GALNT13: variants seen among roughly 807,000 people sequenced by gnomAD.
GALNT13 encodes the protein polypeptide N-acetylgalactosaminyltransferase 13, also known as UDP-GalNAc:polypeptide N-acetylgalactosaminyltransferase 13.
A neutral mutation model predicts 64.2 loss-of-function variants in GALNT13; 28 were observed. The ratio of observed to expected loss-of-function variants is 0.44; its 90% CI spans 0.32 to 0.60. The LOEUF (loss-of-function observed/expected upper bound fraction) is 0.60, where lower values mean the gene tolerates loss of function less well. GALNT13 is among the 20% of genes least tolerant of loss of function. The pLI, the probability that GALNT13 is intolerant of heterozygous loss-of-function variation, is 0.05. For missense variants in GALNT13, 577 were observed against 669.8 expected (o/e 0.86, Z 1.53); for synonymous variants, 214 against 224.6 (o/e 0.95, Z 0.42).
At chr2:153,952,611 A>G (rs1173828963) in intron 3 of GALNT13, among the ~76,000 whole-genome samples, 2 of 152,118 alleles carry the variant, frequency 1.3e-5, no homozygotes, top group African/African-American at 4.8e-5. Context: ...ATGTTATGAT[A>G]TGTATTACTC....
At chr2:153,611,952 T>C in the GALNT13 span, among the ~76,000 whole-genome samples, 4 of 151,280 alleles carry the variant, frequency 2.6e-5, no homozygotes, top group Non-Finnish European at 5.9e-5. Context: ...TGACAACGTG[T>C]GGTGTTTGGT....
chr2:154,441,673 C>T (rs536798149), intron 12 of GALNT13: 5 of 152,160 alleles, frequency 3.3e-5, no homozygotes, highest in African/African-American at 1.2e-4. Flanking sequence ...ACCTTATCTC[C>T]CATAGTCCTT....
intron 3 of GALNT13, among the ~76,000 whole-genome samples, chr2:153,997,871 C>G (rs1294284118): frequency 6.6e-6 from 1 of 152,076 alleles, no homozygotes; most frequent in Non-Finnish European, 1.5e-5. Context: ...TCAACTCCCA[C>G]TTATTTGTGA....
At chr2:154,117,346 G>A (rs1218934437) in intron 3 of GALNT13, among the ~76,000 whole-genome samples, 1 of 152,172 alleles carries the variant, frequency 6.6e-6, no homozygotes, top group Non-Finnish European at 1.5e-5. Context: ...GTGGTGATTT[G>A]TGAGATTTTG....
chr2:153,685,540 G>C, the GALNT13 span, among the ~76,000 whole-genome samples: 1 of 151,872 alleles, frequency 6.6e-6, no homozygotes, highest in African/African-American at 2.4e-5. Context: ...ATTTGTTTAA[G>C]TTCCTTATAG....
chr2:153,473,302 C>G, the GALNT13 span, among the ~76,000 whole-genome samples: 1 of 152,024 alleles, frequency 6.6e-6, no homozygotes, highest in Non-Finnish European at 1.5e-5. Context: ...AAGATGTATA[C>G]ATATAAATTC....
chr2:153,662,960 C>T, the GALNT13 span, among the ~76,000 whole-genome samples: 1 of 152,144 alleles, frequency 6.6e-6, no homozygotes, highest in Admixed American at 6.6e-5. Flanking sequence ...GCAATCCACT[C>T]CTGTAGCAGC....
At chr2:153,418,981 C>G in the GALNT13 span, among the ~76,000 whole-genome samples, 1 of 152,150 alleles carries the variant, frequency 6.6e-6, no homozygotes, top group East Asian at 1.9e-4. Context: ...ATGAGAGTCT[C>G]TTATCTCCAT....
chr2:153,553,417 G>A, the GALNT13 span, among the ~76,000 whole-genome samples: 1 of 152,130 alleles, frequency 6.6e-6, no homozygotes, highest in African/African-American at 2.4e-5. Flanking sequence ...TGGGAGGATT[G>A]CTTGAGCCTG....
the GALNT13 span, among the ~76,000 whole-genome samples, chr2:153,678,376 A>G: frequency 6.6e-6 from 1 of 152,080 alleles, no homozygotes; most frequent in African/African-American, 2.4e-5. Flanking sequence ...TGTCCTTCTC[A>G]GCAACATGAA....
At chr2:153,519,233 G>T in the GALNT13 span, among the ~76,000 whole-genome samples, 2 of 152,114 alleles carry the variant, frequency 1.3e-5, no homozygotes, top group African/African-American at 4.8e-5. Flanking sequence ...AATTCACAGG[G>T]TTGATAATGT....
chr2:154,269,930 A>ATATATATAT (rs1553506263), intron 8 of GALNT13, among the ~76,000 whole-genome samples: 2 of 142,888 alleles, frequency 1.4e-5, no homozygotes, highest in Non-Finnish European at 1.5e-5. Context: ...ATATATTTCT[A>ATATATATAT]AAGCACAGGG....
chr2:153,211,806 T>C, the GALNT13 span, among the ~76,000 whole-genome samples: 2 of 152,134 alleles, frequency 1.3e-5, no homozygotes, highest in Non-Finnish European at 2.9e-5. Context: ...TATGAGGTGA[T>C]TGGAAACACT....
the GALNT13 span, among the ~76,000 whole-genome samples, chr2:153,628,419 G>A: frequency 6.6e-6 from 1 of 152,012 alleles, no homozygotes; most frequent in African/African-American, 2.4e-5. Flanking sequence ...TCCCTGTCTT[G>A]TGCCCGTTTT....
the GALNT13 span, among the ~76,000 whole-genome samples, chr2:153,670,499 C>A: frequency 6.6e-6 from 1 of 151,566 alleles, no homozygotes; most frequent in South Asian, 2.1e-4. Context: ...AAAGGAATAG[C>A]ATCAACATCA....
chr2:154,293,559 C>G (rs959925941), intron 8 of GALNT13, among the ~76,000 whole-genome samples: 2 of 152,148 alleles, frequency 1.3e-5, no homozygotes, highest in Non-Finnish European at 2.9e-5. Context: ...CACATAAAAT[C>G]TTGTTAGAGT....
At chr2:153,453,936 A>G in the GALNT13 span, among the ~76,000 whole-genome samples, 1 of 152,238 alleles carries the variant, frequency 6.6e-6, no homozygotes, top group Non-Finnish European at 1.5e-5. Flanking sequence ...CTATGCATCC[A>G]TAAATAAGAA....
the GALNT13 span, among the ~76,000 whole-genome samples, chr2:153,439,469 A>T: frequency 2.6e-5 from 4 of 152,280 alleles, no homozygotes; most frequent in South Asian, 2.1e-4. Context: ...GGCTCCACCC[A>T]GTTCGAGCTT....
chr2:153,274,213 A>T, the GALNT13 span, among the ~76,000 whole-genome samples: 1 of 152,148 alleles, frequency 6.6e-6, no homozygotes. Flanking sequence ...AAAAAAATAA[A>T]AAAAATTTAT....
Sources: gnomAD v4.1 joint callset for allele counts (sites outside exome capture counted in the v4.1 genomes callset) on GRCh38, gnomAD v4.1.1 for gene constraint, MANE v1.5 for transcripts, NCBI Gene and HGNC (gene_info 2026-07-23, HGNC 2026-07-21) for gene names.